The following DGLUCY variants were observed in gnomAD, a reference collection of about 807,000 sequenced individuals.
The protein encoded by DGLUCY is D-glutamate cyclase.
In DGLUCY, 58 loss-of-function variants were observed where a neutral mutation model predicts 58.5. The ratio of observed to expected loss-of-function variants is 0.99; its 90% CI spans 0.80 to 1.23. The LOEUF (loss-of-function observed/expected upper bound fraction) is 1.23. Among genes scored for constraint, DGLUCY ranks in the 50% most tolerant of loss-of-function variants. The pLI is 0.00. For missense variants in DGLUCY, 779 were observed against 784.7 expected, an observed-to-expected ratio of 0.99 and a Z score of 0.09; for synonymous variants, 325 against 314.1, an observed-to-expected ratio of 1.03 and a Z score of -0.37.
chr14:91,079,358 T>C (rs2140043612), intron 1 of DGLUCY, among the ~76,000 whole-genome samples: 1 of 151,700 alleles, frequency 6.6e-6, no homozygotes, highest in Non-Finnish European at 1.5e-5. Context: ...TCTTTTCTTT[T>C]CTTTTTTTTT....
intron 13 of DGLUCY, 70 bp from the exon 14 acceptor site, chr14:91,224,614 A>G: frequency 1.2e-5 from 18 of 1,441,272 alleles, no homozygotes; most frequent in Non-Finnish European, 1.6e-5. Context: ...TCTCACTTAT[A>G]AATGTGTATA....
chr14:91,160,598 T>C (rs1283811382), intron 3 of DGLUCY, among the ~76,000 whole-genome samples: 1 of 152,146 alleles, frequency 6.6e-6, no homozygotes, highest in Non-Finnish European at 1.5e-5. Context: ...ACTCAAGGTA[T>C]GGAAACCCAT....
chr14:91,174,180 A>G (rs7142252), intron 6 of DGLUCY, among the ~76,000 whole-genome samples: 3,784 of 152,178 alleles, frequency 0.025, 167 homozygotes, highest in African/African-American at 0.085. Flanking sequence ...AGCTGAACAC[A>G]TGTAGGTTCC....
upstream of DGLUCY, among the ~76,000 whole-genome samples, chr14:91,111,313 A>C (rs2044697918): frequency 7.3e-6 from 1 of 136,560 alleles, no homozygotes; most frequent in African/African-American, 2.8e-5. Flanking sequence ...ATGGAGTCTC[A>C]CTCGGTGGCC....
Position 91,189,001 on chromosome 14 carries a change from T to G in DGLUCY, c.1026T>G (p.Thr342=). ...LSHARSVLIT[T]GFPTHFNHEP... ...ATGCCCGCTCAGTGCTCATCACCACTGGGTTCCCCACACATTTCAATCATG... is the reference window on the plus strand; with the variant it reads ...ATGCCCGCTCAGTGCTCATCACCACGGGGTTCCCCACACATTTCAATCATG... Residue 342 remains threonine, a synonymous_variant, in exon 9 of 14, where the codon ACT becomes ACG. Coordinates refer to ENST00000256324, the MANE Select transcript of DGLUCY (RefSeq NM_001102368.3). 6.2e-7 allele frequency: 1 copy of G among 1,614,190 alleles called. No individual in the cohort carries two copies. Among genetic ancestry groups the G allele is most frequent in the South Asian group, 1.1e-5 (1 of 91,076 alleles).
At chr14:91,081,165 T>C (rs944154265) in intron 1 of DGLUCY, among the ~76,000 whole-genome samples, 2 of 151,528 alleles carry the variant, frequency 1.3e-5, no homozygotes, top group African/African-American at 2.4e-5. Flanking sequence ...ATCGCGCCAC[T>C]GCACTCCAGC....
intron 1 of DGLUCY, among the ~76,000 whole-genome samples, chr14:91,153,812 G>T (rs1449186387): frequency 6.6e-6 from 1 of 152,202 alleles, no homozygotes. Context: ...AGTTTATTTT[G>T]CCAAAGTTAA....
At chr14:91,092,074 T>C (rs1384622141) in intron 1 of DGLUCY, among the ~76,000 whole-genome samples, 1 of 152,184 alleles carries the variant, frequency 6.6e-6, no homozygotes, top group East Asian at 1.9e-4. Flanking sequence ...TGGAGCTCCC[T>C]GCCCCTTTAA....
rs761942648 is a variant in DGLUCY, at chr14:91,176,020, T to G, written c.694T>G (p.Ser232Ala). ...AGGGGAGGTTCCAGTGTTCTGGCCT[T>G]CTCCGCTGACCAGTCTCGGAGCTGT... The part of the protein sequence containing the change: ...PPGEVPVFWP[S>A]PLTSLGAVSS... Residue 232 changes from serine (S) to alanine (A), a missense_variant, in exon 7 of 14, where the codon TCT becomes GCT. Physicochemically the swap from Ser to Ala is moderately conservative, Grantham distance 99 (BLOSUM62 1). Coordinates refer to ENST00000256324, the MANE Select transcript of DGLUCY (RefSeq NM_001102368.3). The G allele has an allele frequency of 6.2e-7, 1 of 1,614,080 alleles. No homozygotes were observed. Among genetic ancestry groups the G allele is most frequent in the Admixed American group, 1.7e-5 (1 of 60,028 alleles).
At chr14:91,189,977 T>C (rs2049770503) in intron 9 of DGLUCY, among the ~76,000 whole-genome samples, 1 of 128,690 alleles carries the variant, frequency 7.8e-6, no homozygotes, top group African/African-American at 3.4e-5. Context: ...TCTGTTAGGT[T>C]CTTTTTTTTT....
intron 12 of DGLUCY, among the ~76,000 whole-genome samples, chr14:91,212,002 C>G (rs903538363): frequency 7.2e-5 from 11 of 152,134 alleles, no homozygotes; most frequent in Admixed American, 6.6e-5. Flanking sequence ...GGGGTTTCAC[C>G]ATGTTGGCCA....
chr14:91,152,983 GGAA>G (rs2047407229), intron 1 of DGLUCY, among the ~76,000 whole-genome samples: 1 of 152,110 alleles, frequency 6.6e-6, no homozygotes, highest in African/African-American at 2.4e-5. Context: ...GGGATAAACT[GGAA>G]GAAGGAGCCT....
chr14:91,212,334 T>C (rs954482471), intron 12 of DGLUCY, among the ~76,000 whole-genome samples: 3 of 151,832 alleles, frequency 2.0e-5, no homozygotes, highest in African/African-American at 7.3e-5. Flanking sequence ...TAGCGAGAAC[T>C]TGTCTCTACA....
intron 1 of DGLUCY, among the ~76,000 whole-genome samples, chr14:91,074,112 TATATATACACACAC>T (rs2043970232): frequency 3.3e-5 from 2 of 60,644 alleles, no homozygotes; most frequent in Admixed American, 2.1e-4. Flanking sequence ...AAAATATATA[TATATATACACACAC>T]ACACACACAC....
At chr14:91,141,235 A>C (rs2046650456) in intron 1 of DGLUCY, among the ~76,000 whole-genome samples, 2 of 151,856 alleles carry the variant, frequency 1.3e-5, no homozygotes, top group South Asian at 2.1e-4. Flanking sequence ...AAAATACAAA[A>C]ATTAGCTGGG....
chr14:91,208,577 C>T (rs1485446002), intron 12 of DGLUCY, among the ~76,000 whole-genome samples: 2 of 152,080 alleles, frequency 1.3e-5, no homozygotes, highest in Admixed American at 1.3e-4. Context: ...GGGGAAACCC[C>T]ATCTCTACAA....
At chr14:91,078,533 C>T (rs1317107694) in intron 1 of DGLUCY, among the ~76,000 whole-genome samples, 1 of 152,202 alleles carries the variant, frequency 6.6e-6, no homozygotes, top group Non-Finnish European at 1.5e-5. Flanking sequence ...CCCACGCCTT[C>T]ATTCACTGTC....
chr14:91,203,765 C>T (rs558662240), intron 11 of DGLUCY, among the ~76,000 whole-genome samples: 1 of 152,172 alleles, frequency 6.6e-6, no homozygotes, highest in Non-Finnish European at 1.5e-5. Flanking sequence ...TAACCTCTGC[C>T]TCCCAGTTTC....
chr14:91,099,253 C>A (rs373748985), intron 1 of DGLUCY, among the ~76,000 whole-genome samples: 7 of 152,168 alleles, frequency 4.6e-5, no homozygotes, highest in African/African-American at 1.7e-4. Context: ...CCTTCACTGG[C>A]CAGGCACGGT....
Sources: allele counts gnomAD v4.1 joint callset (sites outside exome capture counted in the v4.1 genomes callset), GRCh38; gene constraint gnomAD v4.1.1; transcripts MANE v1.5; gene names NCBI Gene and HGNC (gene_info 2026-07-23, HGNC 2026-07-21).